KLHL1: variants seen among roughly 807,000 people sequenced by gnomAD.
KLHL1 encodes kelch-like protein 1.
A neutral mutation model predicts 77.7 loss-of-function variants in KLHL1; 47 were observed. The ratio of observed to expected loss-of-function variants is 0.60; its 90% CI spans 0.48 to 0.77. The LOEUF is 0.77. Ranked by LOEUF, KLHL1 falls within the 30% of genes least tolerant of loss-of-function variation. The pLI is 0.00. For missense variants in KLHL1, 925 were observed against 910.8 expected (o/e 1.02, Z -0.20); for synonymous variants, 360 against 325.2 (o/e 1.11, Z -1.15).
At chr13:69,860,906 T>C (rs1328692115) in intron 5 of KLHL1, among the ~76,000 whole-genome samples, 1 of 151,844 alleles carries the variant, frequency 6.6e-6, no homozygotes, top group Admixed American at 6.6e-5. Flanking sequence ...AAGAAGGAAA[T>C]TTGGCTAAGT....
intron 1 of KLHL1, among the ~76,000 whole-genome samples, chr13:70,060,514 C>A (rs1370268340): frequency 6.7e-6 from 1 of 149,126 alleles, no homozygotes; most frequent in Non-Finnish European, 1.5e-5. Context: ...GGAAGGAAAA[C>A]CTATTTGTTA....
intron 3 of KLHL1, 73 bp downstream of exon 3, chr13:69,961,235 A>T: frequency 2.8e-6 from 4 of 1,415,344 alleles, no homozygotes; most frequent in Non-Finnish European, 3.9e-6. Flanking sequence ...AAAAAGCGTT[A>T]AATCCTGTAC....
chr13:69,969,715 A>G lies in KLHL1; in HGVS notation c.680+5905T>C, dbSNP rs1487642870. 4.6e-5 allele frequency among the ~76,000 whole-genome samples: 7 copies of G among 152,156 alleles called. No individual in the cohort carries two copies. In the East Asian group the frequency reaches 1.3e-3, roughly 29 times the overall value. On this transcript the variant is annotated intron_variant, in intron 2 of 10. Transcript: ENST00000377844. Reference sequence around the variant, plus strand: ...AACTCATTAAAAAAAACTGCAGAAAAGTTTATACTGCATTTAGATTTGGTG... The same window carrying G: ...AACTCATTAAAAAAAACTGCAGAAAGGTTTATACTGCATTTAGATTTGGTG...
chr13:69,731,231 C>T (rs557676201), intron 8 of KLHL1, among the ~76,000 whole-genome samples: 8 of 152,032 alleles, frequency 5.3e-5, no homozygotes, highest in Middle Eastern at 3.4e-3. Flanking sequence ...AAAGGCACAA[C>T]GGAATAAAAA....
chr13:69,975,576 T>A, intron 2 of KLHL1, 44 bp downstream of exon 2: 1 of 1,529,990 alleles, frequency 6.5e-7, no homozygotes, highest in East Asian at 2.4e-5. Flanking sequence ...CTGGCACTTT[T>A]AAACATGTGA....
At chr13:69,982,954 A>C (rs1434125869) in intron 1 of KLHL1, among the ~76,000 whole-genome samples, 1 of 152,172 alleles carries the variant, frequency 6.6e-6, no homozygotes, top group East Asian at 1.9e-4. Flanking sequence ...TTTTATATGT[A>C]GAAAACCTTA....
Position 69,855,349 on chromosome 13 carries a change from C to CAT in KLHL1, c.1228-16188_1228-16187insAT, listed in dbSNP as rs1879858910. Among the ~76,000 whole-genome samples, 20 of 87,706 alleles carry CAT rather than the reference C, an allele frequency of 2.3e-4. 1 individual carries two copies. The highest frequency in any genetic ancestry group is 1.2e-3 in the African/African-American group (20 of 17,044). 57.5% of individuals were successfully genotyped at this position (87,706 alleles called of 152,430 possible). A position where few individuals can be genotyped will look rare whatever the true frequency, so the allele number is the denominator to read the frequency against. ...ATAGATAGATAGATAGATAGATAGA[C>CAT]AGACAGATAGATACATAGAGAGATA... On this transcript the variant is annotated intron_variant, in intron 5 of 10. Coordinates refer to ENST00000377844, the MANE Select transcript of KLHL1 (RefSeq NM_020866.3).
At chr13:69,761,902 C>A (rs1041517252) in intron 7 of KLHL1, among the ~76,000 whole-genome samples, 1 of 152,056 alleles carries the variant, frequency 6.6e-6, no homozygotes, top group Non-Finnish European at 1.5e-5. Context: ...AGTGACTGTT[C>A]TAAATTGCTA....
Position 69,793,303 on chromosome 13 carries a change from A to G in KLHL1, c.1639+3435T>C, listed in dbSNP as rs115696519. On this transcript the variant is annotated intron_variant, in intron 7 of 10. Transcript: ENST00000377844. ...AAATAAAAATTTGTAGCATACTGAG[A>G]AAAGTGTGGTCTTAATTTGTTTAAT... Among the ~76,000 whole-genome samples, 762 of 152,164 alleles carry G rather than the reference A, an allele frequency of 5.0e-3. 12 individuals are homozygous for G. The highest frequency in any genetic ancestry group is 0.017 in the African/African-American group (727 of 41,550).
intron 1 of KLHL1, among the ~76,000 whole-genome samples, chr13:70,026,918 T>A (rs1284576612): frequency 2.6e-5 from 4 of 152,132 alleles, no homozygotes; most frequent in African/African-American, 9.7e-5. Context: ...TATTTTTCTA[T>A]GTTTTATCAA....
At chr13:69,867,676 A>C (rs1423729162) in intron 5 of KLHL1, among the ~76,000 whole-genome samples, 1 of 151,948 alleles carries the variant, frequency 6.6e-6, no homozygotes, top group Non-Finnish European at 1.5e-5. Flanking sequence ...TACTTTAGTA[A>C]AAGAGAGGGT....
intron 4 of KLHL1, among the ~76,000 whole-genome samples, chr13:69,903,877 T>C (rs1286107278): frequency 6.6e-6 from 1 of 151,730 alleles, no homozygotes; most frequent in East Asian, 1.9e-4. Context: ...CTTGACCTCG[T>C]GATCCACTTG....
intron 5 of KLHL1, among the ~76,000 whole-genome samples, chr13:69,842,844 G>T (rs969759716): frequency 3.3e-5 from 5 of 151,662 alleles, no homozygotes; most frequent in African/African-American, 1.2e-4. Flanking sequence ...ACAATAGAAT[G>T]CTACTTGGCC....
At chr13:70,091,750 G>A (rs1887677339) in intron 1 of KLHL1, among the ~76,000 whole-genome samples, 1 of 152,044 alleles carries the variant, frequency 6.6e-6, no homozygotes, top group South Asian at 2.1e-4. Flanking sequence ...TGAAATAATG[G>A]CTGAGTTTAA....
At position 69,918,702 on chromosome 13, in the gene KLHL1, T is replaced by G. The variant is rs557136494; in HGVS notation, c.1014+21338A>C. On this transcript the variant is annotated intron_variant, in intron 4 of 10. Coordinates refer to ENST00000377844, the MANE Select transcript of KLHL1 (RefSeq NM_020866.3). ...AGGTCAGGTTGAACTTAGTTTCCAA[T>G]TTTCAACTGTTGCTTTTCACTCCTG... Among the ~76,000 whole-genome samples the G allele has an allele frequency of 3.3e-5, 5 of 152,268 alleles. No homozygotes were observed. The South Asian group carries it at 8.3e-4, about 25-fold the overall frequency.
intron 1 of KLHL1, among the ~76,000 whole-genome samples, chr13:70,096,091 C>A (rs978047383): frequency 6.6e-6 from 1 of 152,016 alleles, no homozygotes; most frequent in African/African-American, 2.4e-5. Flanking sequence ...TCCATTTGTC[C>A]AGTGATCAAC....
At chr13:69,840,676 C>G (rs953027173) in intron 5 of KLHL1, among the ~76,000 whole-genome samples, 4 of 144,492 alleles carry the variant, frequency 2.8e-5, no homozygotes, top group African/African-American at 1.1e-4. Context: ...TTATTTTGAA[C>G]ATTAACTTTA....
intron 6 of KLHL1, among the ~76,000 whole-genome samples, chr13:69,816,973 T>A (rs1323295739): frequency 3.3e-5 from 5 of 151,246 alleles, no homozygotes; most frequent in Admixed American, 3.3e-4. Flanking sequence ...AGTAAAAAAA[T>A]AAATAAATAA....
intron 1 of KLHL1, among the ~76,000 whole-genome samples, chr13:70,007,274 G>A (rs1474780533): frequency 6.6e-6 from 1 of 151,840 alleles, no homozygotes; most frequent in Non-Finnish European, 1.5e-5. Context: ...CAAAATTCTA[G>A]AATTTAGACA....
Sources: gnomAD v4.1 joint callset for allele counts (sites outside exome capture counted in the v4.1 genomes callset) on GRCh38, gnomAD v4.1.1 for gene constraint, MANE v1.5 for transcripts, NCBI Gene and HGNC (gene_info 2026-07-23, HGNC 2026-07-21) for gene names.